The following MAD1L1 variants were observed in gnomAD, a reference collection of about 807,000 sequenced individuals.
The protein encoded by MAD1L1 is mitotic spindle assembly checkpoint protein MAD1.
MAD1L1 carries 95 observed loss-of-function variants against 96.9 expected under a neutral mutation model. That is an observed-to-expected ratio of 0.98 (90% CI 0.83 to 1.16). The LOEUF (loss-of-function observed/expected upper bound fraction) is 1.16. Among genes scored for constraint, MAD1L1 ranks in the 50% most tolerant of loss-of-function variants. The pLI is 0.00. For synonymous variants in MAD1L1, 473 were observed against 396.6 expected (o/e 1.19, Z -2.29); for missense variants, 1,007 against 954.4 (o/e 1.06, Z -0.73).
chr7:1,850,283 C>CA (rs749959328), intron 18 of MAD1L1, among the ~76,000 whole-genome samples: 21 of 152,198 alleles, frequency 1.4e-4, no homozygotes, highest in Non-Finnish European at 3.1e-4. Flanking sequence ...CGCCTCCAGG[C>CA]AGCTCCCATC....
intron 10 of MAD1L1, among the ~76,000 whole-genome samples, chr7:2,211,912 G>T (rs1194290694): frequency 6.6e-6 from 1 of 152,212 alleles, no homozygotes; most frequent in East Asian, 1.9e-4. Flanking sequence ...CAGGCAAGAA[G>T]CGGGAAGCCT....
chr7:1,942,931 G>A (rs565865630), intron 16 of MAD1L1, among the ~76,000 whole-genome samples: 123 of 152,310 alleles, frequency 8.1e-4, no homozygotes, highest in African/African-American at 2.8e-3. Flanking sequence ...CATGAGGACC[G>A]ACGTACAGAC....
At chr7:2,158,984 A>G (rs1366898120) in intron 10 of MAD1L1, among the ~76,000 whole-genome samples, 1 of 151,810 alleles carries the variant, frequency 6.6e-6, no homozygotes, top group Non-Finnish European at 1.5e-5. Context: ...CCCTCTCACC[A>G]AGAGCCTGGG....
chr7:1,833,183 T>C (rs1782791927), intron 18 of MAD1L1, among the ~76,000 whole-genome samples: 1 of 152,258 alleles, frequency 6.6e-6, no homozygotes, highest in Non-Finnish European at 1.5e-5. Flanking sequence ...ACATAACTTT[T>C]ATATGCACTG....
At chr7:2,069,137 T>C (rs1199211063) in intron 12 of MAD1L1, 57 bp downstream of exon 12, 26 of 1,509,980 alleles carry the variant, frequency 1.7e-5, no homozygotes, top group Non-Finnish European at 2.3e-5. Flanking sequence ...GCTAACCAGG[T>C]GTGCACTGAC....
At chr7:2,030,056 G>T (rs1451966628) in intron 12 of MAD1L1, among the ~76,000 whole-genome samples, 1 of 152,184 alleles carries the variant, frequency 6.6e-6, no homozygotes, top group East Asian at 1.9e-4. Flanking sequence ...CACATTCAGG[G>T]AGCAGATGGA....
intron 11 of MAD1L1, among the ~76,000 whole-genome samples, chr7:2,102,240 AC>A (rs1786822445): frequency 2.0e-5 from 3 of 148,236 alleles, no homozygotes; most frequent in Non-Finnish European, 4.5e-5. Context: ...CGCCACCACC[AC>A]CACCGCCACT....
chr7:2,011,905 G>T (rs1782321329), intron 13 of MAD1L1, among the ~76,000 whole-genome samples: 1 of 152,194 alleles, frequency 6.6e-6, no homozygotes. Context: ...GGGATGGGCA[G>T]AGGAGGCTGT....
intron 11 of MAD1L1, among the ~76,000 whole-genome samples, chr7:2,099,403 C>G (rs958303045): frequency 7.2e-5 from 11 of 152,254 alleles, no homozygotes; most frequent in East Asian, 3.8e-4. Flanking sequence ...ATTCCTCTCT[C>G]GCTGCCTTCT....
At chr7:2,173,315 G>C (rs924726493) in intron 10 of MAD1L1, among the ~76,000 whole-genome samples, 2 of 152,112 alleles carry the variant, frequency 1.3e-5, no homozygotes, top group Admixed American at 1.3e-4. Context: ...CTGCCGCCCC[G>C]CAGGTACCAC....
chr7:2,087,666 C>T (rs1785989522), intron 11 of MAD1L1, among the ~76,000 whole-genome samples: 1 of 152,218 alleles, frequency 6.6e-6, no homozygotes, highest in Non-Finnish European at 1.5e-5. Flanking sequence ...GCAGGGCGGA[C>T]CTCTCCTGCC....
intron 18 of MAD1L1, among the ~76,000 whole-genome samples, chr7:1,897,003 T>C (rs1327812488): frequency 6.6e-6 from 1 of 152,264 alleles, no homozygotes; most frequent in Non-Finnish European, 1.5e-5. Context: ...GTGTTTTTAT[T>C]ATTCAAAGGT....
intron 11 of MAD1L1, among the ~76,000 whole-genome samples, chr7:2,093,841 G>C (rs1180482351): frequency 6.6e-6 from 1 of 152,210 alleles, no homozygotes; most frequent in East Asian, 1.9e-4. Context: ...GCCACTGTGG[G>C]GCACGGGGCA....
At chr7:2,127,980 G>A (rs1788314583) in intron 11 of MAD1L1, among the ~76,000 whole-genome samples, 1 of 152,096 alleles carries the variant, frequency 6.6e-6, no homozygotes, top group South Asian at 2.1e-4. Flanking sequence ...TCCACCTCTC[G>A]GAACTTCATG....
At chr7:2,160,554 C>T (rs1291996453) in intron 10 of MAD1L1, among the ~76,000 whole-genome samples, 1 of 151,874 alleles carries the variant, frequency 6.6e-6, no homozygotes, top group African/African-American at 2.4e-5. Flanking sequence ...AGGATGGTCT[C>T]GATCTCCTGA....
intron 14 of MAD1L1, among the ~76,000 whole-genome samples, 194 bp downstream of exon 14, chr7:2,001,871 G>A (rs567890299): frequency 2.0e-5 from 3 of 152,312 alleles, no homozygotes; most frequent in Admixed American, 6.5e-5. Context: ...CCCCGCCGGC[G>A]CATGCCACCT....
At chr7:2,231,691 G>C (rs1374875088) in intron 1 of MAD1L1, among the ~76,000 whole-genome samples, 1 of 152,116 alleles carries the variant, frequency 6.6e-6, no homozygotes, top group Non-Finnish European at 1.5e-5. Flanking sequence ...TAAAGATGAT[G>C]ATCATCACAG....
chr7:2,024,816 C>A (rs1292943605), intron 12 of MAD1L1, among the ~76,000 whole-genome samples: 1 of 152,164 alleles, frequency 6.6e-6, no homozygotes, highest in Non-Finnish European at 1.5e-5. Context: ...TCACTAATAA[C>A]CTCCCAAAAA....
rs553435896 is a variant in MAD1L1 at position 2,103,597 on chromosome 7, C to G, written c.1074-34259G>C. Among the ~76,000 whole-genome samples, 2 of 152,252 alleles carry G rather than the reference C, an allele frequency of 1.3e-5. No individual in the cohort carries two copies. Among genetic ancestry groups the G allele is most frequent in the South Asian group, 4.2e-4 (2 of 4,818 alleles). On this transcript the variant is annotated intron_variant, in intron 11 of 18. Transcript: ENST00000265854. This position sits in a 1 kb window ranked among gnomAD's most constrained non-coding sequence, Gnocchi z 4.3. The stretch of plus-strand genomic sequence containing the variant: ...GCCCACCACCAGGCAGCCCTGGGAG[C>G]CCCTGCGAAGGCCTCTCAGGAGCCG...
Sources: gnomAD v4.1 joint callset for allele counts (sites outside exome capture counted in the v4.1 genomes callset) on GRCh38, gnomAD v4.1.1 for gene constraint, Gnocchi (gnomAD v3.1) non-coding constraint, MANE v1.5 for transcripts, NCBI Gene and HGNC (gene_info 2026-07-23, HGNC 2026-07-21) for gene names.